MAOA: variants seen among roughly 807,000 people sequenced by gnomAD.
MAOA encodes amine oxidase [flavin-containing] A.
A neutral mutation model predicts 42.0 loss-of-function variants in MAOA; 6 were observed. The ratio of observed to expected loss-of-function variants is 0.14; its 90% CI spans 0.08 to 0.28. The LOEUF (loss-of-function observed/expected upper bound fraction) is 0.28. Among genes scored for constraint, MAOA ranks in the 10% least tolerant of loss-of-function variants. MAOA has a pLI of 1.00. For synonymous variants in MAOA, 140 were observed against 154.0 expected, an observed-to-expected ratio of 0.91 and a Z score of 0.67; for missense variants, 262 against 422.3, an observed-to-expected ratio of 0.62 and a Z score of 3.33.
In MAOA at chrX:43,731,689, T is replaced by G. The variant is rs767451310; in HGVS notation, c.796-5T>G. 1.7e-6 allele frequency: 2 copies of G among 1,208,469 alleles called. No individual in the cohort carries two copies. The highest frequency in any genetic ancestry group is 3.5e-5 in the African/African-American group (2 of 57,066). Reference sequence around the variant, plus strand: ...GAGGTAATATTTTGCTTGTGTGTGTTTTAGTGCAAATACGTAATTAATGCG... The same window carrying G: ...GAGGTAATATTTTGCTTGTGTGTGTGTTAGTGCAAATACGTAATTAATGCG... On this transcript the variant is annotated splice_polypyrimidine_tract_variant and splice_region_variant and intron_variant, in intron 7 of 14. Transcript: ENST00000338702.
At chrX:43,707,440 T>G (rs765764322) in intron 3 of MAOA, among the ~76,000 whole-genome samples, 2 of 111,857 alleles carry the variant, frequency 1.8e-5, no homozygotes, top group Non-Finnish European at 3.8e-5. Context: ...TGAGTGGGAC[T>G]GTTAAAAGAA....
chrX:43,691,627 C>T (rs997923154), intron 2 of MAOA, among the ~76,000 whole-genome samples: 38 of 111,300 alleles, frequency 3.4e-4, no homozygotes, highest in Admixed American at 1.9e-4. Flanking sequence ...CTAAAAAAAT[C>T]ACCAAGCCTA....
At chrX:43,672,710 T>G (rs1485293503) in intron 1 of MAOA, among the ~76,000 whole-genome samples, 2 of 111,598 alleles carry the variant, frequency 1.8e-5, no homozygotes, top group African/African-American at 6.5e-5. Context: ...ATCATGTGGT[T>G]TTTGTCTTTG....
chrX:43,687,362 A>G (rs1033168303), intron 2 of MAOA, among the ~76,000 whole-genome samples: 2 of 112,352 alleles, frequency 1.8e-5, no homozygotes, highest in African/African-American at 6.5e-5. Context: ...TTCTAAAGAC[A>G]TCATGTTTGG....
At chrX:43,698,197 C>A (rs1441450981) in intron 3 of MAOA, among the ~76,000 whole-genome samples, 2 of 112,286 alleles carry the variant, frequency 1.8e-5, no homozygotes, top group African/African-American at 3.2e-5. Flanking sequence ...CAATGCGAAA[C>A]CTTAAAGAAT....
At chrX:43,681,598 T>C (rs1449106599) in intron 1 of MAOA, among the ~76,000 whole-genome samples, 3 of 111,194 alleles carry the variant, frequency 2.7e-5, no homozygotes, top group Admixed American at 9.6e-5. Flanking sequence ...TATTTTAAAA[T>C]CAGTTAGAAT....
intron 1 of MAOA, among the ~76,000 whole-genome samples, chrX:43,665,836 A>AGATAGAT (rs1401480220): frequency 1.8e-5 from 2 of 110,788 alleles, no homozygotes; most frequent in Non-Finnish European, 3.8e-5. Context: ...ATAGATAGAT[A>AGATAGAT]GATAGATAGA....
chrX:43,687,917 C>T (rs1205159524), intron 2 of MAOA, among the ~76,000 whole-genome samples: 3 of 112,902 alleles, frequency 2.7e-5, no homozygotes, highest in Non-Finnish European at 3.7e-5. Context: ...TGGTGGGAGC[C>T]ACCATTATAT....
chrX:43,722,422 G>T (rs1452775462), intron 5 of MAOA, among the ~76,000 whole-genome samples: 3 of 112,301 alleles, frequency 2.7e-5, no homozygotes, highest in African/African-American at 9.7e-5. Flanking sequence ...GTTTTGATTT[G>T]CATTTCTCTA....
intron 12 of MAOA, among the ~76,000 whole-genome samples, chrX:43,743,217 C>T (rs761520916): frequency 9.0e-6 from 1 of 111,310 alleles, no homozygotes; most frequent in African/African-American, 3.3e-5. Context: ...AGACCCATTT[C>T]CTTGCTCTCA....
At chrX:43,693,909 A>T (rs1226027947) in intron 3 of MAOA, among the ~76,000 whole-genome samples, 1 of 111,430 alleles carries the variant, frequency 9.0e-6, no homozygotes, top group Non-Finnish European at 1.9e-5. Context: ...TAGCCTTTGA[A>T]CTGGTTATTC....
At chrX:43,670,095 T>C (rs1344771990) in intron 1 of MAOA, among the ~76,000 whole-genome samples, 1 of 112,071 alleles carries the variant, frequency 8.9e-6, no homozygotes, top group East Asian at 2.8e-4. Flanking sequence ...GGCTGAGTAA[T>C]TATACATGTT....
chrX:43,677,883 T>C (rs948209236), intron 1 of MAOA, among the ~76,000 whole-genome samples: 3 of 111,216 alleles, frequency 2.7e-5, no homozygotes, highest in Non-Finnish European at 5.7e-5. Flanking sequence ...ACTCTGAGTA[T>C]AGGGGATGAT....
At chrX:43,700,720 AT>A (rs1272262235) in intron 3 of MAOA, among the ~76,000 whole-genome samples, 1 of 112,009 alleles carries the variant, frequency 8.9e-6, no homozygotes, top group Non-Finnish European at 1.9e-5. Context: ...GCTATATATT[AT>A]TTTTGTTAAA....
intron 5 of MAOA, among the ~76,000 whole-genome samples, chrX:43,714,120 G>A (rs2033719531): frequency 2.7e-5 from 3 of 111,501 alleles, no homozygotes; most frequent in Non-Finnish European, 5.7e-5. Flanking sequence ...TTGGACAGTG[G>A]TGGTGGGAGG....
intron 5 of MAOA, among the ~76,000 whole-genome samples, chrX:43,723,628 C>T (rs190848715): frequency 1.6e-4 from 18 of 111,802 alleles, no homozygotes; most frequent in African/African-American, 5.8e-4. Flanking sequence ...ATGTCATCTG[C>T]AAACAGAGAC....
In MAOA at chrX:43,660,448, G is replaced by A. The variant is rs183147177; in HGVS notation, c.73+4034G>A. Reference sequence around the variant, plus strand: ...AGCCTCCCAAACACCTCCCTATCCCGCCCCCCATCATGACAAGTAGCATTT... The same window carrying A: ...AGCCTCCCAAACACCTCCCTATCCCACCCCCCATCATGACAAGTAGCATTT... On this transcript the variant is annotated intron_variant, in intron 1 of 14. Coordinates refer to ENST00000338702, the MANE Select transcript of MAOA (RefSeq NM_000240.4). Among the ~76,000 whole-genome samples the A allele has an allele frequency of 1.1e-3, 123 of 110,245 alleles. 1 individual carries two copies. The highest frequency in any genetic ancestry group is 3.6e-3 in the African/African-American group (110 of 30,284).
intron 3 of MAOA, 141 bp downstream of exon 3, chrX:43,693,569 CT>C (rs778924730): frequency 1.7e-5 from 11 of 661,307 alleles, no homozygotes; most frequent in Middle Eastern, 4.3e-4. Flanking sequence ...CCTTTCTTTT[CT>C]TGTTTTCTTT....
chrX:43,713,528 G>A (rs1229832131), intron 5 of MAOA, among the ~76,000 whole-genome samples: 2 of 111,644 alleles, frequency 1.8e-5, no homozygotes, highest in Non-Finnish European at 3.8e-5. Context: ...GGAAATGAGA[G>A]GAAAGCTAGT....
Sources: allele counts gnomAD v4.1 joint callset (sites outside exome capture counted in the v4.1 genomes callset), GRCh38; gene constraint gnomAD v4.1.1; transcripts MANE v1.5; gene names NCBI Gene and HGNC (gene_info 2026-07-23, HGNC 2026-07-21).